SLC38A10: variants seen among roughly 807,000 people sequenced by gnomAD.
SLC38A10 encodes the protein solute carrier family 38 member 10.
In SLC38A10, 53 loss-of-function variants were observed where a neutral mutation model predicts 81.0. The observed-to-expected ratio is 0.65, with a 90% CI of 0.53 to 0.82. SLC38A10 has a LOEUF of 0.82. SLC38A10 is among the 40% of genes least tolerant of loss of function. The pLI is 0.00. For synonymous variants in SLC38A10, 665 were observed against 655.3 expected, an observed-to-expected ratio of 1.01 and a Z score of -0.23; for missense variants, 1,471 against 1,545.0, an observed-to-expected ratio of 0.95 and a Z score of 0.80.
rs1033259349 is a variant in SLC38A10, at chr17:81,283,262, A to G, written c.357+147T>C. ...AGACGTGACCCAGCAAAGCCCCCGC[A>G]CTCCACCAAGCCCCTAGAATGACAG... On this transcript the variant is annotated intron_variant, in intron 4 of 15. Coordinates refer to ENST00000374759, the MANE Select transcript of SLC38A10 (RefSeq NM_001037984.3). The surrounding 1 kb of genome is among the most constrained non-coding windows in gnomAD (Gnocchi z 4.7). 1.5e-6 allele frequency: 1 copy of G among 680,212 alleles called. No individual in the cohort carries two copies. 42.1% of individuals were successfully genotyped at this position (680,212 alleles called of 1,614,324 possible).
rs1240402626 is a variant in SLC38A10 at position 81,270,529 on chromosome 17, C to G, written c.1131+389G>C. ...GAAAAACCCACAAGCACGCACATCT[C>G]CGTGGGAGGGTCGCACCAGGAACAA... On this transcript the variant is annotated intron_variant, in intron 10 of 15. Coordinates refer to ENST00000374759, the MANE Select transcript of SLC38A10 (RefSeq NM_001037984.3). The surrounding 1 kb of genome is among the most constrained non-coding windows in gnomAD (Gnocchi z 4.0). Among the ~76,000 whole-genome samples, 1 of 152,134 alleles carries G rather than the reference C, an allele frequency of 6.6e-6. No individual in the cohort carries two copies. The highest frequency in any genetic ancestry group is 2.4e-5 in the African/African-American group (1 of 41,424).
At position 81,282,266 on chromosome 17, in the gene SLC38A10, G is replaced by A. The variant is rs1183639672; in HGVS notation, c.424C>T (p.Leu142=). 1 of 1,613,620 alleles carries A rather than the reference G, an allele frequency of 6.2e-7. No homozygotes were observed. The highest frequency in any genetic ancestry group is 1.7e-5 in the Admixed American group (1 of 60,028). ...ATGGAGGCCATCATGTTCCGCTGCA[G>A]GCTGAGCGGGAGCACGATGCACAGC... is the stretch of plus-strand genomic sequence containing the variant. ...VSLCIVLPLS[L]QRNMMASIQS... The change falls in exon 5 of 16, where the codon CTG becomes TTG. Residue 142 remains leucine (L), a synonymous_variant. Transcript: ENST00000374759.
At position 81,280,742 on chromosome 17, in the gene SLC38A10, G is replaced by A. The variant is rs781483410; in HGVS notation, c.502-9C>T. 5.0e-6 allele frequency: 8 copies of A among 1,608,914 alleles called. No individual in the cohort carries two copies. Among genetic ancestry groups the A allele is most frequent in the Non-Finnish European group, 5.9e-6 (7 of 1,177,076 alleles). ...AGAGAGGAGAGCACGATCTGCAGAG[G>A]GAGAGGGGAGAGAGCACGGGGCAGG... On this transcript the variant is annotated splice_polypyrimidine_tract_variant and intron_variant, in intron 5 of 15. Coordinates refer to ENST00000374759, the MANE Select transcript of SLC38A10 (RefSeq NM_001037984.3).
rs1039374068 is a variant in SLC38A10, at chr17:81,276,237, C to A, written c.730-86G>T. 3 of 1,284,506 alleles carry A rather than the reference C, an allele frequency of 2.3e-6. No homozygotes were observed. Among genetic ancestry groups the A allele is most frequent in the East Asian group, 5.2e-5 (2 of 38,404 alleles). The allele number at this position is 1,284,506 out of a possible 1,614,324, so 79.6% of individuals were successfully genotyped here. A position where few individuals can be genotyped will look rare whatever the true frequency, so the allele number is the denominator to read the frequency against. On this transcript the variant is annotated intron_variant, in intron 7 of 15. Transcript: ENST00000374759. This position sits in a 1 kb window ranked among gnomAD's most constrained non-coding sequence, Gnocchi z 4.7. The stretch of plus-strand genomic sequence containing the variant: ...CACAGTGGGCAGGGCATGGGGGGGA[C>A]CTGTGCCCTGCCCCCCAGAATGGCC...
At position 81,286,188 on chromosome 17, in the gene SLC38A10, A is replaced by C. The variant is rs1403846095; in HGVS notation, c.218-1293T>G. ...CGGAAGCAACAAAACACGGCGCTCC[A>C]AACATGAAGTTGCTCCTGGCCATAA... is the stretch of plus-strand genomic sequence containing the variant. On this transcript the variant is annotated intron_variant, in intron 2 of 15. Transcript: ENST00000374759. The surrounding 1 kb of genome is among the most constrained non-coding windows in gnomAD (Gnocchi z 6.0). Among the ~76,000 whole-genome samples, 1 of 152,236 alleles carries C rather than the reference A, an allele frequency of 6.6e-6. No homozygotes were observed. Among genetic ancestry groups the C allele is most frequent in the East Asian group, 1.9e-4 (1 of 5,198 alleles).
At chr17:81,256,465 G>A (rs567234792) in intron 11 of SLC38A10, among the ~76,000 whole-genome samples, 51 of 152,306 alleles carry the variant, frequency 3.3e-4, no homozygotes, top group African/African-American at 1.1e-3. Flanking sequence ...GCTTGGACCC[G>A]CCATGGCTCC....
intron 13 of SLC38A10, chr17:81,251,887 TAAC>T (rs1282754551): frequency 3.9e-6 from 2 of 515,724 alleles, no homozygotes; most frequent in Non-Finnish European, 6.5e-6. Context: ...GACGGGCACT[TAAC>T]AACGTGTTAC....
At chr17:81,280,770 A>C in intron 5 of SLC38A10, 37 bp from the exon 6 acceptor site, 14 of 1,584,704 alleles carry the variant, frequency 8.8e-6, no homozygotes, top group Non-Finnish European at 1.2e-5. Flanking sequence ...GGGGCAGGTC[A>C]GGACGCAGGC....
chr17:81,275,608 T>C (rs1006899887), intron 8 of SLC38A10, among the ~76,000 whole-genome samples: 22 of 149,846 alleles, frequency 1.5e-4, no homozygotes, highest in African/African-American at 5.5e-4. Flanking sequence ...GGCGCGCGCC[T>C]GTAGTCCCAG....
chr17:81,260,600 C>T (rs911436865), intron 10 of SLC38A10, among the ~76,000 whole-genome samples: 1 of 152,200 alleles, frequency 6.6e-6, no homozygotes, highest in Non-Finnish European at 1.5e-5. Context: ...GCCCACCTGC[C>T]CGCGAAGCTC....
Position 81,246,507 on chromosome 17 carries a change from C to T in SLC38A10, c.2409G>A (p.Leu803=). 6.5e-7 allele frequency: 1 copy of T among 1,534,070 alleles called. No individual in the cohort carries two copies. Among genetic ancestry groups the T allele is most frequent in the Admixed American group, 2.1e-5 (1 of 46,834 alleles). The change falls in exon 16 of 16, where the codon CTG becomes CTA. Residue 803 remains leucine, a synonymous_variant. Transcript: ENST00000374759. ...TGCCCACAGGCCCCTCAGAGTGCTC[C>T]AGGGAGCGCTGGTTAAGGTCCTGGG... ...APSQDLNQRS[L]EHSEGPVGRD...
chr17:81,280,112 G>A, intron 6 of SLC38A10: 1 of 451,306 alleles, frequency 2.2e-6, no homozygotes. Context: ...TGGTGGAGAA[G>A]GTAATGCTGC....
intron 8 of SLC38A10, among the ~76,000 whole-genome samples, chr17:81,274,234 A>G (rs926256874): frequency 1.3e-5 from 2 of 152,212 alleles, no homozygotes; most frequent in African/African-American, 4.8e-5. Context: ...ACTCCGCAGA[A>G]GAGAGGAGCA....
intron 9 of SLC38A10, among the ~76,000 whole-genome samples, chr17:81,271,411 G>A (rs1246596311): frequency 6.6e-6 from 1 of 152,134 alleles, no homozygotes; most frequent in Non-Finnish European, 1.5e-5. Context: ...GGCGGGTGCT[G>A]CCAGGCTGCA....
In SLC38A10 at chr17:81,289,882, C is replaced by T; in HGVS notation, c.100-74G>A. ...AGAGGCCCTCACCCCACACACGCGGCTCATGAGGACCCTCTTCACCCCCAG... is the reference window on the plus strand; with the variant it reads ...AGAGGCCCTCACCCCACACACGCGGTTCATGAGGACCCTCTTCACCCCCAG... On this transcript the variant is annotated intron_variant, in intron 1 of 15. Transcript: ENST00000374759. The surrounding 1 kb of genome is among the most constrained non-coding windows in gnomAD (Gnocchi z 5.9). 8.1e-7 allele frequency: 1 copy of T among 1,239,190 alleles called. No individual in the cohort carries two copies. Among genetic ancestry groups the T allele is most frequent in the Middle Eastern group, 2.8e-4 (1 of 3,626 alleles). The allele number at this position is 1,239,190 out of a possible 1,614,324, so 76.8% of individuals were successfully genotyped here. A position where few individuals can be genotyped will look rare whatever the true frequency, so the allele number is the denominator to read the frequency against.
At chr17:81,274,285 T>G (rs2063142096) in intron 8 of SLC38A10, among the ~76,000 whole-genome samples, 1 of 152,214 alleles carries the variant, frequency 6.6e-6, no homozygotes, top group Non-Finnish European at 1.5e-5. Flanking sequence ...GTGCTTGGCC[T>G]CTGCTGCGAA....
chr17:81,288,237 G>A lies in SLC38A10; in HGVS notation c.217+1454C>T, dbSNP rs1468195008. Among the ~76,000 whole-genome samples the A allele has an allele frequency of 6.6e-6, 1 of 152,208 alleles. No individual in the cohort carries two copies. Among genetic ancestry groups the A allele is most frequent in the Non-Finnish European group, 1.5e-5 (1 of 68,024 alleles). On this transcript the variant is annotated intron_variant, in intron 2 of 15. Coordinates refer to ENST00000374759, the MANE Select transcript of SLC38A10 (RefSeq NM_001037984.3). This position sits in a 1 kb window ranked among gnomAD's most constrained non-coding sequence, Gnocchi z 5.4. ...GGACCCACGTGTGGACCGTGCAGGT[G>A]TTTTTATTTTGTTTGGCCCCCTGGA...
intron 11 of SLC38A10, among the ~76,000 whole-genome samples, chr17:81,255,389 C>T (rs953083247): frequency 6.6e-6 from 1 of 152,222 alleles, no homozygotes; most frequent in African/African-American, 2.4e-5. Context: ...AAAACTAACA[C>T]AAAACTTCAA....
At position 81,253,691 on chromosome 17, in the gene SLC38A10, TCACCATCATCACCATCAC is replaced by T. The variant is rs2062942486; in HGVS notation, c.1289-469_1289-452del. ...ATCATCTCCATCCCTACCACCAACATCACCATCATCACCATCACCATCACCATCATCACCATCTCCATC... is the reference window on the plus strand; with the variant it reads ...ATCATCTCCATCCCTACCACCAACATCATCACCATCATCACCATCTCCATC... On this transcript the variant is annotated intron_variant, in intron 11 of 15. Coordinates refer to ENST00000374759, the MANE Select transcript of SLC38A10 (RefSeq NM_001037984.3). The surrounding 1 kb of genome is among the most constrained non-coding windows in gnomAD (Gnocchi z 4.1). Among the ~76,000 whole-genome samples, 2 of 138,976 alleles carry T rather than the reference TCACCATCATCACCATCAC, an allele frequency of 1.4e-5. No homozygotes were observed. The highest frequency in any genetic ancestry group is 2.4e-4 in the East Asian group (1 of 4,196). 91.2% of individuals were successfully genotyped at this position (138,976 alleles called of 152,430 possible).
Sources: gnomAD v4.1 joint callset for allele counts (sites outside exome capture counted in the v4.1 genomes callset) on GRCh38, gnomAD v4.1.1 for gene constraint, Gnocchi (gnomAD v3.1) non-coding constraint, MANE v1.5 for transcripts, NCBI Gene and HGNC (gene_info 2026-07-23, HGNC 2026-07-21) for gene names.